Variants in BAIAP2L1 observed in about 807,000 individuals in gnomAD.
The protein encoded by BAIAP2L1 is BAR/IMD domain containing adaptor protein 2 like 1.
Under a neutral mutation model 66.3 loss-of-function variants are expected in BAIAP2L1, and 35 were observed. That is an observed-to-expected ratio of 0.53 (90% CI 0.40 to 0.70). The LOEUF is 0.70. Among genes scored for constraint, BAIAP2L1 ranks in the 30% least tolerant of loss-of-function variants. The pLI is 0.00. For synonymous variants in BAIAP2L1, 269 were observed against 248.7 expected, an observed-to-expected ratio of 1.08 and a Z score of -0.77; for missense variants, 622 against 656.9, an observed-to-expected ratio of 0.95 and a Z score of 0.58.
chr7:98,314,678 C>T (rs1331718524), intron 7 of BAIAP2L1, among the ~76,000 whole-genome samples: 3 of 152,156 alleles, frequency 2.0e-5, no homozygotes, highest in Non-Finnish European at 4.4e-5. Context: ...CCCAGCTGTC[C>T]TGATGCGCGT....
At position 98,293,500 on chromosome 7, in the gene BAIAP2L1, G is replaced by A. The variant is rs772289043; in HGVS notation, c.*21C>T. The A allele has an allele frequency of 2.5e-6, 4 of 1,607,436 alleles. No individual in the cohort carries two copies. The South Asian group carries it at 3.3e-5, about 13-fold the overall frequency. On this transcript the variant is annotated 3_prime_UTR_variant, in exon 14 of 14. Coordinates refer to ENST00000005260, the MANE Select transcript of BAIAP2L1 (RefSeq NM_018842.5). The stretch of plus-strand genomic sequence containing the variant: ...CGCAAGGGAGAACCGGAGAGGCCCG[G>A]GAGAGTCCTTGGCTGTCCTCTCATC...
rs372343819 is a variant in BAIAP2L1, at chr7:98,338,603, T to G, written c.214+16439A>C. On this transcript the variant is annotated intron_variant, in intron 3 of 13. Transcript: ENST00000005260. ...CAATAAATAGCCTTTTTATCTGGCT[T>G]CTTTGACGTGGCACATAACCAAGGT... Among the ~76,000 whole-genome samples the G allele has an allele frequency of 1.2e-3, 181 of 152,312 alleles. 1 individual carries two copies. Among genetic ancestry groups the G allele is most frequent in the African/African-American group, 4.0e-3 (168 of 41,572 alleles).
rs745443802 is a variant in BAIAP2L1, at chr7:98,294,072, A to G, written c.1460+2T>C. 6.2e-7 allele frequency: 1 copy of G among 1,614,038 alleles called. No homozygotes were observed. Among genetic ancestry groups the G allele is most frequent in the South Asian group, 1.1e-5 (1 of 91,084 alleles). On this transcript the variant is annotated splice_donor_variant, in intron 13 of 13. Coordinates refer to ENST00000005260, the MANE Select transcript of BAIAP2L1 (RefSeq NM_018842.5). LOFTEE classifies it high-confidence loss of function. ...GAGGCTCACGTAGGAAGCCACGCCT[A>G]CCTGAGAAAAGGCGGCTTTGCAGTC...
At chr7:98,304,477 CA>C in intron 11 of BAIAP2L1, 101 bp from the exon 12 acceptor site, 1 of 1,162,820 alleles carries the variant, frequency 8.6e-7, no homozygotes, top group Non-Finnish European at 1.2e-6. Flanking sequence ...AATAGTACAT[CA>C]CCAATCAAAA....
intron 1 of BAIAP2L1, among the ~76,000 whole-genome samples, chr7:98,371,366 A>G (rs1802506983): frequency 6.6e-6 from 1 of 152,222 alleles, no homozygotes; most frequent in South Asian, 2.1e-4. Context: ...TGGTAATATC[A>G]CTCTTCTACT....
At chr7:98,317,827 G>A (rs1203946231) in intron 5 of BAIAP2L1, among the ~76,000 whole-genome samples, 1 of 132,328 alleles carries the variant, frequency 7.6e-6, no homozygotes, top group East Asian at 2.2e-4. Context: ...GGCTGGGACT[G>A]TCACCCCGTA....
chr7:98,299,875 T>C (rs1009992621), intron 12 of BAIAP2L1, among the ~76,000 whole-genome samples: 15 of 151,872 alleles, frequency 9.9e-5, no homozygotes, highest in African/African-American at 1.5e-4. Context: ...ACCCCGTATC[T>C]ACTAAAAATA....
intron 13 of BAIAP2L1, 76 bp from the exon 14 acceptor site, chr7:98,293,672 G>T: frequency 2.1e-6 from 3 of 1,429,946 alleles, no homozygotes; most frequent in Non-Finnish European, 3.0e-6. Context: ...CTAATAACCC[G>T]TTCTTGCCCT....
chr7:98,320,996 A>G (rs2116905880), intron 3 of BAIAP2L1, among the ~76,000 whole-genome samples: 1 of 152,246 alleles, frequency 6.6e-6, no homozygotes, highest in South Asian at 2.1e-4. Flanking sequence ...AGCTGGGACT[A>G]CAGGCGTGCA....
intron 7 of BAIAP2L1, among the ~76,000 whole-genome samples, chr7:98,313,982 CTTTTTTTTTTT>C (rs35599338): frequency 2.0e-5 from 2 of 100,940 alleles, no homozygotes; most frequent in Non-Finnish European, 3.9e-5. Flanking sequence ...CTTTTTCTTC[CTTTTTTTTTTT>C]TTTTTTTTTT....
chr7:98,369,885 T>C (rs1802471622), intron 1 of BAIAP2L1, among the ~76,000 whole-genome samples: 1 of 152,040 alleles, frequency 6.6e-6, no homozygotes, highest in African/African-American at 2.4e-5. Context: ...TTGCCCAGGC[T>C]GGTTTTGAAC....
chr7:98,380,078 C>CTT lies in BAIAP2L1; in HGVS notation c.52-17648_52-17647dup, dbSNP rs113115306. On this transcript the variant is annotated intron_variant, in intron 1 of 13. Transcript: ENST00000005260. ...ACGTATAAATTACACCTCAAAAATG[C>CTT]TTTTTTTTTTTTTTTGAGATAGGGA... 4.5e-3 allele frequency among the ~76,000 whole-genome samples: 633 copies of CTT among 140,374 alleles called. 8 individuals carry two copies. The highest frequency in any genetic ancestry group is 0.016 in the African/African-American group (594 of 38,172). 92.1% of individuals were successfully genotyped at this position (140,374 alleles called of 152,430 possible).
chr7:98,368,393 T>G (rs1235350092), intron 1 of BAIAP2L1, among the ~76,000 whole-genome samples: 6 of 152,122 alleles, frequency 3.9e-5, no homozygotes, highest in Non-Finnish European at 7.3e-5. Context: ...CACTCCAGCC[T>G]GGGTGACAGA....
intron 7 of BAIAP2L1, 113 bp from the exon 8 acceptor site, chr7:98,312,377 T>TG: frequency 8.5e-7 from 1 of 1,179,432 alleles, no homozygotes; most frequent in Non-Finnish European, 1.2e-6. Context: ...ACCAGGAGTG[T>TG]GGGGGCCCTG....
At chr7:98,334,828 G>C (rs1801576148) in intron 3 of BAIAP2L1, among the ~76,000 whole-genome samples, 1 of 150,004 alleles carries the variant, frequency 6.7e-6, no homozygotes, top group Middle Eastern at 3.4e-3. Flanking sequence ...TTACAGGCGT[G>C]AGCCACCTTG....
chr7:98,386,516 A>G (rs1450983275), intron 1 of BAIAP2L1: 1 of 1,595,890 alleles, frequency 6.3e-7, no homozygotes, highest in Non-Finnish European at 8.5e-7. Context: ...TAGAAAATGG[A>G]TCAACCACTT....
At chr7:98,329,143 C>A (rs144601360) in intron 3 of BAIAP2L1, among the ~76,000 whole-genome samples, 1 of 152,128 alleles carries the variant, frequency 6.6e-6, no homozygotes, top group Non-Finnish European at 1.5e-5. Context: ...CACTCCAGCA[C>A]GTCTAAGAGC....
At chr7:98,350,117 A>G (rs74431155) in intron 3 of BAIAP2L1, among the ~76,000 whole-genome samples, 2,229 of 141,574 alleles carry the variant, frequency 0.016, 19 homozygotes, top group Non-Finnish European at 0.019. Context: ...AAAAGGGGGG[A>G]AAAAAAAAAA....
chr7:98,397,145 G>A (rs1803229892), intron 1 of BAIAP2L1, among the ~76,000 whole-genome samples: 1 of 151,996 alleles, frequency 6.6e-6, no homozygotes, highest in African/African-American at 2.4e-5. Context: ...GTAGTCTAAG[G>A]TGGGGCTGGG....
Sources: gnomAD v4.1 joint callset for allele counts (sites outside exome capture counted in the v4.1 genomes callset) on GRCh38, gnomAD v4.1.1 for gene constraint, MANE v1.5 for transcripts, NCBI Gene and HGNC (gene_info 2026-07-23, HGNC 2026-07-21) for gene names.